GBA1: variants seen among roughly 807,000 people sequenced by gnomAD.
The protein encoded by GBA1 is glucosylceramidase beta 1, also known as lysosomal acid glucosylceramidase.
At chr1:155,239,842 G>A in the GBA1 span, 1 of 1,613,966 alleles carries the variant, frequency 6.2e-7, no homozygotes, top group Non-Finnish European at 8.5e-7. Flanking sequence ...TTTACCTCTA[G>A]GAGGACCCAG....
the GBA1 span, chr1:155,236,431 G>A: frequency 1.4e-5 from 23 of 1,614,028 alleles, no homozygotes; most frequent in Admixed American, 1.7e-5. Flanking sequence ...GTACAGCAAT[G>A]CCATGAACAT....
At chr1:155,241,715 C>A in the GBA1 span, among the ~76,000 whole-genome samples, 2 of 152,010 alleles carry the variant, frequency 1.3e-5, no homozygotes, top group African/African-American at 4.8e-5. Flanking sequence ...GAGGAGGGAC[C>A]ATTCGTGGGT....
the GBA1 span, chr1:155,235,269 G>A: frequency 8.1e-6 from 13 of 1,613,702 alleles, no homozygotes; most frequent in Admixed American, 3.3e-5. Flanking sequence ...TCTTCTGACT[G>A]GCAACCAGCC....
the GBA1 span, chr1:155,236,460 C>T: frequency 6.2e-7 from 1 of 1,613,608 alleles, no homozygotes; most frequent in Admixed American, 1.7e-5. Context: ...GCTTCTGGGT[C>T]TGTCAGTACC....
the GBA1 span, chr1:155,238,005 C>T: frequency 3.0e-6 from 3 of 1,005,718 alleles, no homozygotes; most frequent in Non-Finnish European, 3.1e-6. Context: ...GGCTGAAAGG[C>T]CCAGAAGGTA....
the GBA1 span, chr1:155,240,687 T>C: frequency 9.4e-4 from 1,510 of 1,613,752 alleles, 54 homozygotes; most frequent in East Asian, 0.033. Context: ...CCAGCCATGA[T>C]GCTTACCCTA....
chr1:155,236,390 T>G, the GBA1 span: 1 of 1,614,136 alleles, frequency 6.2e-7, no homozygotes, highest in Non-Finnish European at 8.5e-7. Context: ...TAGGGTGGCT[T>G]TGGCTGGAGC....
chr1:155,237,488 G>A, the GBA1 span: 1 of 1,614,010 alleles, frequency 6.2e-7, no homozygotes, highest in African/African-American at 1.3e-5. Context: ...GGCACTGGAA[G>A]GGGTATCCAC....
chr1:155,239,806 A>G, the GBA1 span: 5 of 1,614,036 alleles, frequency 3.1e-6, no homozygotes, highest in Non-Finnish European at 3.4e-6. Flanking sequence ...ACCCAGCGGG[A>G]AACTCCATGG....
At chr1:155,244,186 T>A in the GBA1 span, 1 of 151,660 alleles carries the variant, frequency 6.6e-6, no homozygotes, top group Non-Finnish European at 1.5e-5. Context: ...GATCACGAGG[T>A]CAGGAATTGG....
the GBA1 span, among the ~76,000 whole-genome samples, chr1:155,241,743 G>A: frequency 6.6e-6 from 1 of 152,108 alleles, no homozygotes; most frequent in East Asian, 1.9e-4. Context: ...TATCCAGGAT[G>A]GCTTCACAGA....
the GBA1 span, chr1:155,239,793 A>C: frequency 1.2e-6 from 2 of 1,614,144 alleles, no homozygotes; most frequent in Non-Finnish European, 1.7e-6. Flanking sequence ...TAAGGGTATC[A>C]GTACCCAGCG....
At chr1:155,238,937 G>T in the GBA1 span, 3 of 431,554 alleles carry the variant, frequency 7.0e-6, no homozygotes, top group Middle Eastern at 7.4e-4. Context: ...AAAGGGCAAA[G>T]AAAAGTGTCA....
At chr1:155,241,178 C>T in the GBA1 span, 5 of 1,515,062 alleles carry the variant, frequency 3.3e-6, no homozygotes, top group East Asian at 9.0e-5. Flanking sequence ...GATAGAGGAT[C>T]CACTAAACAA....
chr1:155,239,149 T>C, the GBA1 span, among the ~76,000 whole-genome samples: 2 of 145,886 alleles, frequency 1.4e-5, no homozygotes. Context: ...ACCCGGGAGG[T>C]GGAGGTTGCA....
the GBA1 span, chr1:155,236,462 G>A: frequency 6.2e-7 from 1 of 1,613,540 alleles, no homozygotes. Context: ...TTCTGGGTCT[G>A]TCAGTACCTG....
At chr1:155,242,726 G>A in the GBA1 span, among the ~76,000 whole-genome samples, 1 of 151,086 alleles carries the variant, frequency 6.6e-6, no homozygotes, top group Non-Finnish European at 1.5e-5. Context: ...CTGAGTAGCT[G>A]GGATTACAGG....
chr1:155,241,603 C>T, the GBA1 span, among the ~76,000 whole-genome samples: 1 of 152,100 alleles, frequency 6.6e-6, no homozygotes, highest in Non-Finnish European at 1.5e-5. Flanking sequence ...TTAAGACAGT[C>T]TTTGCCCTAT....
the GBA1 span, chr1:155,241,317 A>T: frequency 6.3e-6 from 4 of 633,490 alleles, no homozygotes; most frequent in Non-Finnish European, 1.2e-5. Context: ...TGAGGCAATC[A>T]CAGCCATATT....
Sources: allele counts gnomAD v4.1 joint callset (sites outside exome capture counted in the v4.1 genomes callset), GRCh38; gene constraint gnomAD v4.1.1; transcripts MANE v1.5; gene names NCBI Gene and HGNC (gene_info 2026-07-23, HGNC 2026-07-21).